ATP9B: variants seen among roughly 807,000 people sequenced by gnomAD.
ATP9B encodes the protein ATPase phospholipid transporting 9B.
In ATP9B, 110 loss-of-function variants were observed where a neutral mutation model predicts 146.1. The observed-to-expected ratio is 0.75, with a 90% CI of 0.65 to 0.88. ATP9B has a LOEUF of 0.88. Among genes scored for constraint, ATP9B ranks in the 40% least tolerant of loss-of-function variants. ATP9B has a pLI of 0.00. For missense variants in ATP9B, 1,499 were observed against 1,496.4 expected, an observed-to-expected ratio of 1.00 and a Z score of -0.03; for synonymous variants, 604 against 569.7, an observed-to-expected ratio of 1.06 and a Z score of -0.86.
intron 5 of ATP9B, 102 bp downstream of exon 5, chr18:79,126,477 A>AT: frequency 1.3e-6 from 1 of 793,660 alleles, no homozygotes; most frequent in Non-Finnish European, 2.0e-6. Flanking sequence ...CTATTATTGA[A>AT]AATAGTATTA....
intron 25 of ATP9B, among the ~76,000 whole-genome samples, chr18:79,356,711 C>T (rs776855055): frequency 6.9e-6 from 1 of 145,954 alleles, no homozygotes; most frequent in Non-Finnish European, 1.5e-5. Context: ...AGATGGGGAA[C>T]GGATTCATGG....
intron 12 of ATP9B, chr18:79,254,355 T>TA (rs1269744283): frequency 2.0e-5 from 3 of 152,264 alleles, no homozygotes; most frequent in African/African-American, 7.2e-5. Flanking sequence ...TCCATTTACT[T>TA]ACGTCATAAA....
chr18:79,351,823 A>C (rs2096923808), intron 25 of ATP9B, among the ~76,000 whole-genome samples: 1 of 127,754 alleles, frequency 7.8e-6, no homozygotes, highest in African/African-American at 3.0e-5. Flanking sequence ...GGGGAAGCCT[A>C]GGGGGATGGG....
intron 18 of ATP9B, 113 bp downstream of exon 18, chr18:79,336,824 T>G (rs2096829816): frequency 9.4e-7 from 1 of 1,066,362 alleles, no homozygotes. Context: ...AGTCTAGGAG[T>G]GAAGGCAGCT....
chr18:79,091,183 A>C (rs907898288), intron 1 of ATP9B, among the ~76,000 whole-genome samples: 2 of 152,156 alleles, frequency 1.3e-5, no homozygotes, highest in Non-Finnish European at 2.9e-5. Context: ...TGGTTACTAT[A>C]GCTCTGCAGT....
At chr18:79,298,411 G>C (rs1449479225) in intron 13 of ATP9B, among the ~76,000 whole-genome samples, 1 of 146,178 alleles carries the variant, frequency 6.8e-6, no homozygotes, top group Non-Finnish European at 1.5e-5. Flanking sequence ...TATAAAATGA[G>C]TGGGCCTTGT....
chr18:79,167,953 G>C (rs954191877), intron 7 of ATP9B, among the ~76,000 whole-genome samples: 6 of 152,320 alleles, frequency 3.9e-5, no homozygotes, highest in South Asian at 2.1e-4. Flanking sequence ...TCCCGTGCTT[G>C]TTGGCGCCCA....
At chr18:79,094,891 A>G (rs1022939050) in intron 1 of ATP9B, among the ~76,000 whole-genome samples, 1 of 152,184 alleles carries the variant, frequency 6.6e-6, no homozygotes, top group Non-Finnish European at 1.5e-5. Flanking sequence ...ATATGATTCC[A>G]TCGTACACGA....
intron 10 of ATP9B, among the ~76,000 whole-genome samples, chr18:79,207,390 G>A (rs993181115): frequency 2.0e-5 from 3 of 152,242 alleles, no homozygotes; most frequent in Non-Finnish European, 4.4e-5. Context: ...ATCCGACAAG[G>A]GTTGGCAGGA....
chr18:79,091,444 C>T (rs1356172004), intron 1 of ATP9B, among the ~76,000 whole-genome samples: 1 of 151,962 alleles, frequency 6.6e-6, no homozygotes, highest in Admixed American at 6.6e-5. Flanking sequence ...TTTTGGTATC[C>T]TTCAATTGCC....
At chr18:79,103,216 A>G (rs1248549207) in intron 2 of ATP9B, among the ~76,000 whole-genome samples, 1 of 151,174 alleles carries the variant, frequency 6.6e-6, no homozygotes, top group African/African-American at 2.4e-5. Context: ...GCAGATATGG[A>G]CTGTGGGTTT....
intron 16 of ATP9B, 67 bp downstream of exon 16, chr18:79,329,369 G>T (rs1223848214): frequency 1.3e-5 from 19 of 1,423,142 alleles, no homozygotes; most frequent in Non-Finnish European, 1.7e-5. Flanking sequence ...TTTAAACACA[G>T]ATTTTCCCAA....
intron 25 of ATP9B, among the ~76,000 whole-genome samples, chr18:79,351,792 G>A (rs1215826915): frequency 2.6e-5 from 4 of 151,630 alleles, no homozygotes; most frequent in Non-Finnish European, 5.9e-5. Flanking sequence ...CAGGGACCAT[G>A]GGGGCCGCAA....
At chr18:79,245,469 A>G (rs1398143269) in intron 11 of ATP9B, among the ~76,000 whole-genome samples, 1 of 152,216 alleles carries the variant, frequency 6.6e-6, no homozygotes, top group Non-Finnish European at 1.5e-5. Flanking sequence ...TCATTAAGGA[A>G]GCTGTTGTTA....
At position 79,377,472 on chromosome 18, in the gene ATP9B, T is replaced by A. The variant is rs138673063; in HGVS notation, c.*89T>A. On this transcript the variant is annotated 3_prime_UTR_variant, in exon 30 of 30. Transcript: ENST00000426216. ...TTGCCAGTGAACGCAGGGTTTGCCA[T>A]TGCTACCAAGCAAGCACCACAAGAA... is the stretch of plus-strand genomic sequence containing the variant. The A allele has an allele frequency of 8.9e-5, 134 of 1,498,166 alleles. 1 individual carries two copies. In the East Asian group the frequency reaches 3.2e-3, roughly 35 times the overall value. The allele number at this position is 1,498,166 out of a possible 1,614,324, so 92.8% of individuals were successfully genotyped here. A position where few individuals can be genotyped will look rare whatever the true frequency, so the allele number is the denominator to read the frequency against.
intron 12 of ATP9B, among the ~76,000 whole-genome samples, chr18:79,256,284 T>TATATAC (rs1217998447): frequency 3.3e-5 from 4 of 122,872 alleles, no homozygotes; most frequent in African/African-American, 5.9e-5. Context: ...TATATATATA[T>TATATAC]ATACATACAT....
intron 26 of ATP9B, among the ~76,000 whole-genome samples, chr18:79,366,243 G>A (rs967083945): frequency 2.0e-5 from 3 of 152,242 alleles, no homozygotes; most frequent in South Asian, 2.1e-4. Flanking sequence ...TGTCTGGCGC[G>A]GTGGTGGCGG....
chr18:79,124,308 A>G lies in ATP9B; in HGVS notation c.559-1959A>G, dbSNP rs112159102. 8.8e-3 allele frequency among the ~76,000 whole-genome samples: 1,343 copies of G among 152,344 alleles called. 19 individuals are homozygous for G. The highest frequency in any genetic ancestry group is 0.029 in the African/African-American group (1,221 of 41,570). On this transcript the variant is annotated intron_variant, in intron 4 of 29. Transcript: ENST00000426216. ...GAAGGTACTAAAAAACGAATTGTAT[A>G]CATTTATAGTGTTAATTTTATGGCA...
At chr18:79,123,262 A>T (rs1007839977) in intron 4 of ATP9B, among the ~76,000 whole-genome samples, 3 of 152,198 alleles carry the variant, frequency 2.0e-5, no homozygotes, top group African/African-American at 4.8e-5. Context: ...AGTCACTTGT[A>T]TTTCTAGCAG....
Sources: allele counts gnomAD v4.1 joint callset (sites outside exome capture counted in the v4.1 genomes callset), GRCh38; gene constraint gnomAD v4.1.1; transcripts MANE v1.5; gene names NCBI Gene and HGNC (gene_info 2026-07-23, HGNC 2026-07-21).